Variants in RAB7A observed in about 807,000 individuals in gnomAD.
RAB7A encodes RAB7A, member RAS oncogene family.
In RAB7A, 2 loss-of-function variants were observed where a neutral mutation model predicts 24.5. The ratio of observed to expected loss-of-function variants is 0.08; its 90% CI spans 0.03 to 0.26. The LOEUF (loss-of-function observed/expected upper bound fraction) is 0.26. RAB7A is among the 10% of genes least tolerant of loss of function. RAB7A has a pLI of 1.00. For synonymous variants in RAB7A, 100 were observed against 95.9 expected (o/e 1.04, Z -0.25); for missense variants, 118 against 255.7 (o/e 0.46, Z 3.67).
intron 3 of RAB7A, among the ~76,000 whole-genome samples, chr3:128,801,120 G>C (rs929461295): frequency 4.6e-5 from 7 of 152,190 alleles, no homozygotes; most frequent in Non-Finnish European, 1.0e-4. Context: ...AAGAAATAAG[G>C]AGGATACAGA....
intron 3 of RAB7A, among the ~76,000 whole-genome samples, chr3:128,802,131 A>G (rs1032064385): frequency 1.3e-5 from 2 of 152,262 alleles, no homozygotes; most frequent in African/African-American, 4.8e-5. Context: ...AAGGAAGAAC[A>G]CTTCAATAGT....
Position 128,733,160 on chromosome 3 carries a change from A to G in RAB7A, c.-9+6801A>G, listed in dbSNP as rs139181498. On this transcript the variant is annotated intron_variant, in intron 1 of 5. Transcript: ENST00000265062. Reference sequence around the variant, plus strand: ...CACAAATAAGTGGACGGCTTAGAGAATTTTTATAAACCCAGAGGCCCTCTT... The same window carrying G: ...CACAAATAAGTGGACGGCTTAGAGAGTTTTTATAAACCCAGAGGCCCTCTT... 6.1e-3 allele frequency among the ~76,000 whole-genome samples: 929 copies of G among 152,316 alleles called. 8 individuals carry two copies. Among genetic ancestry groups the G allele is most frequent in the African/African-American group, 0.021 (887 of 41,566 alleles).
At position 128,813,577 on chromosome 3, in the gene RAB7A, C is replaced by A; in HGVS notation, c.*155C>A. On this transcript the variant is annotated 3_prime_UTR_variant, in exon 6 of 6. Coordinates refer to ENST00000265062, the MANE Select transcript of RAB7A (RefSeq NM_004637.6). ...CCCCATCAAACACAGTTACACCCCA[C>A]ATATCTCTCACACACACACACACAC... The A allele has an allele frequency of 1.4e-6, 1 of 695,600 alleles. No individual in the cohort carries two copies. The highest frequency in any genetic ancestry group is 2.6e-6 in the Non-Finnish European group (1 of 383,486). The allele number at this position is 695,600 out of a possible 1,614,324, so 43.1% of individuals were successfully genotyped here.
chr3:128,794,098 G>T (rs1189318201), intron 1 of RAB7A, among the ~76,000 whole-genome samples: 1 of 152,164 alleles, frequency 6.6e-6, no homozygotes, highest in African/African-American at 2.4e-5. Context: ...ACCACCTCTT[G>T]AGAAAGAGAA....
intron 1 of RAB7A, among the ~76,000 whole-genome samples, chr3:128,738,354 CTTGT>C (rs1259742654): frequency 6.6e-6 from 1 of 152,146 alleles, no homozygotes; most frequent in East Asian, 1.9e-4. Context: ...TTCCATTATT[CTTGT>C]TTGAGGCTCT....
chr3:128,741,777 C>T (rs1248402913), intron 1 of RAB7A, among the ~76,000 whole-genome samples: 3 of 152,126 alleles, frequency 2.0e-5, no homozygotes, highest in African/African-American at 7.2e-5. Flanking sequence ...TACGTATATA[C>T]ACAGATACAT....
chr3:128,774,202 A>T (rs867710264), intron 1 of RAB7A, among the ~76,000 whole-genome samples: 17 of 124,180 alleles, frequency 1.4e-4, no homozygotes, highest in Admixed American at 2.3e-4. Context: ...AAAAAAAATT[A>T]AAAAAAAAAA....
chr3:128,731,862 T>C (rs1192896983), intron 1 of RAB7A, among the ~76,000 whole-genome samples: 1 of 151,628 alleles, frequency 6.6e-6, no homozygotes, highest in Non-Finnish European at 1.5e-5. Flanking sequence ...AAAAATTAGC[T>C]GGGCATAGTG....
At chr3:128,764,919 G>T in intron 1 of RAB7A, 2 of 1,581,596 alleles carry the variant, frequency 1.3e-6, no homozygotes, top group Non-Finnish European at 1.7e-6. Flanking sequence ...ACAGGTAAAC[G>T]TAGGAGGCGT....
At chr3:128,771,830 C>T (rs538317942) in intron 1 of RAB7A, among the ~76,000 whole-genome samples, 5 of 152,292 alleles carry the variant, frequency 3.3e-5, no homozygotes, top group African/African-American at 1.2e-4. Flanking sequence ...AATGCCTTGG[C>T]TTCAGCCCTG....
intron 1 of RAB7A, among the ~76,000 whole-genome samples, chr3:128,774,969 C>T (rs1222081135): frequency 6.6e-6 from 1 of 152,004 alleles, no homozygotes; most frequent in Admixed American, 6.6e-5. Context: ...TTAGTAGAGA[C>T]GGGGTTTCAC....
chr3:128,808,918 T>C (rs930313778), intron 5 of RAB7A, among the ~76,000 whole-genome samples: 4 of 152,048 alleles, frequency 2.6e-5, no homozygotes, highest in South Asian at 2.1e-4. Flanking sequence ...GCACTAAGTG[T>C]TCCAGAATGA....
intron 1 of RAB7A, among the ~76,000 whole-genome samples, chr3:128,730,380 C>T (rs1008791204): frequency 1.1e-4 from 16 of 152,212 alleles, no homozygotes; most frequent in Admixed American, 3.3e-4. Context: ...CAGGCACCCA[C>T]CACCACGCCC....
intron 4 of RAB7A, among the ~76,000 whole-genome samples, chr3:128,807,290 T>C (rs1933825359): frequency 6.6e-6 from 1 of 152,190 alleles, no homozygotes; most frequent in African/African-American, 2.4e-5. Context: ...TAAGTATAAC[T>C]GAGGGTCAGA....
chr3:128,746,591 C>T (rs1318728358), intron 1 of RAB7A, among the ~76,000 whole-genome samples: 1 of 151,888 alleles, frequency 6.6e-6, no homozygotes, highest in Non-Finnish European at 1.5e-5. Flanking sequence ...TGCAGTGGCG[C>T]AATCTTGGCT....
rs537800889 is a variant in RAB7A at position 128,786,082 on chromosome 3, T to C, written c.-8-9278T>C. 1.1e-4 allele frequency among the ~76,000 whole-genome samples: 17 copies of C among 152,344 alleles called. No individual in the cohort carries two copies. The South Asian group carries it at 3.5e-3, about 32-fold the overall frequency. On this transcript the variant is annotated intron_variant, in intron 1 of 5. Coordinates refer to ENST00000265062, the MANE Select transcript of RAB7A (RefSeq NM_004637.6). The stretch of plus-strand genomic sequence containing the variant: ...TTGCCCCCTCCCCAGAATGAATATT[T>C]TTAGAAACCAAGTGACTCCTGATGA...
At chr3:128,772,084 C>A (rs1407326186) in intron 1 of RAB7A, among the ~76,000 whole-genome samples, 3 of 152,106 alleles carry the variant, frequency 2.0e-5, no homozygotes, top group Non-Finnish European at 4.4e-5. Context: ...GCAGTTACAA[C>A]CAGTTCAGGG....
chr3:128,804,532 T>C (rs1345377097), intron 3 of RAB7A, among the ~76,000 whole-genome samples: 1 of 152,252 alleles, frequency 6.6e-6, no homozygotes, highest in South Asian at 2.1e-4. Flanking sequence ...AATTTAAAAA[T>C]CACAGTCAGC....
chr3:128,767,639 G>A (rs1354265252), intron 1 of RAB7A, among the ~76,000 whole-genome samples: 2 of 152,212 alleles, frequency 1.3e-5, no homozygotes. Context: ...TGTTCCTCTT[G>A]GGAAGGACAG....
Sources: allele counts gnomAD v4.1 joint callset (sites outside exome capture counted in the v4.1 genomes callset), GRCh38; gene constraint gnomAD v4.1.1; transcripts MANE v1.5; gene names NCBI Gene and HGNC (gene_info 2026-07-23, HGNC 2026-07-21).